The following RANBP17 variants were observed in gnomAD, a reference collection of about 807,000 sequenced individuals.
The protein encoded by RANBP17 is RAN binding protein 17.
Under a neutral mutation model 141.2 loss-of-function variants are expected in RANBP17, and 158 were observed. That is an observed-to-expected ratio of 1.12 (90% CI 0.98 to 1.28). The LOEUF is 1.28. RANBP17 is among the 50% of genes most tolerant of loss of function. The pLI is 0.00. For synonymous variants in RANBP17, 430 were observed against 450.0 expected, an observed-to-expected ratio of 0.96 and a Z score of 0.56; for missense variants, 1,438 against 1,290.7, an observed-to-expected ratio of 1.11 and a Z score of -1.75.
At chr5:171,203,445 T>C (rs1331060610) in intron 19 of RANBP17, among the ~76,000 whole-genome samples, 1 of 152,188 alleles carries the variant, frequency 6.6e-6, no homozygotes, top group Non-Finnish European at 1.5e-5. Flanking sequence ...ATAAAAGATA[T>C]TGTTTGAGCA....
rs139168000 is a variant in RANBP17 at position 171,156,935 on chromosome 5, A to G, written c.1711-13195A>G. ...ATCATCAAGGGATTTCAAAAGCAATAAAGTGTGGAATCATTGTTCGACTTG... is the reference window on the plus strand; with the variant it reads ...ATCATCAAGGGATTTCAAAAGCAATGAAGTGTGGAATCATTGTTCGACTTG... On this transcript the variant is annotated intron_variant, in intron 14 of 27. Transcript: ENST00000523189. Among the ~76,000 whole-genome samples, 65 of 152,286 alleles carry G rather than the reference A, an allele frequency of 4.3e-4. No individual in the cohort carries two copies. The East Asian group carries it at 9.1e-3, about 21-fold the overall frequency.
At chr5:171,202,938 G>A (rs151117707) in intron 19 of RANBP17, among the ~76,000 whole-genome samples, 1 of 152,266 alleles carries the variant, frequency 6.6e-6, no homozygotes, top group African/African-American at 2.4e-5. Flanking sequence ...TAGAAACCCT[G>A]TTTTGGGGGT....
chr5:171,273,551 C>A (rs981090207), intron 25 of RANBP17, among the ~76,000 whole-genome samples: 1 of 152,146 alleles, frequency 6.6e-6, no homozygotes, highest in Admixed American at 6.5e-5. Context: ...CCCAGTGTTG[C>A]CAGATACATT....
intron 14 of RANBP17, among the ~76,000 whole-genome samples, chr5:171,076,525 G>A (rs887325915): frequency 9.2e-5 from 14 of 152,152 alleles, no homozygotes; most frequent in African/African-American, 3.4e-4. Context: ...AATGAACAAG[G>A]GCTCCTGGGA....
In RANBP17 at chr5:171,075,812, G is replaced by T. The variant is rs189538842; in HGVS notation, c.1711-94318G>T. 2.2e-4 allele frequency among the ~76,000 whole-genome samples: 33 copies of T among 152,192 alleles called. No individual in the cohort carries two copies. In the East Asian group the frequency reaches 6.4e-3, roughly 29 times the overall value. On this transcript the variant is annotated intron_variant, in intron 14 of 27. Coordinates refer to ENST00000523189, the MANE Select transcript of RANBP17 (RefSeq NM_022897.5). Reference sequence around the variant, plus strand: ...TGCTAAAAATACAAAAATTAGCTGGGCATGGTGACACACACCTGTAATCCC... The same window carrying T: ...TGCTAAAAATACAAAAATTAGCTGGTCATGGTGACACACACCTGTAATCCC...
At chr5:171,284,900 T>C (rs1768064237) in intron 25 of RANBP17, among the ~76,000 whole-genome samples, 1 of 152,180 alleles carries the variant, frequency 6.6e-6, no homozygotes, top group African/African-American at 2.4e-5. Context: ...TCATGTCACC[T>C]TCTCCTGGAA....
At chr5:171,097,325 T>G (rs1032103385) in intron 14 of RANBP17, among the ~76,000 whole-genome samples, 6 of 152,112 alleles carry the variant, frequency 3.9e-5, no homozygotes, top group Non-Finnish European at 2.9e-5. Context: ...ACTGAGTGCT[T>G]CTTATGTATC....
chr5:171,015,673 T>A (rs1780376925), intron 14 of RANBP17, among the ~76,000 whole-genome samples: 1 of 152,156 alleles, frequency 6.6e-6, no homozygotes, highest in African/African-American at 2.4e-5. Context: ...CCTATAAATA[T>A]TTTTGAGATT....
chr5:170,865,483 C>A (rs115850488), intron 1 of RANBP17, among the ~76,000 whole-genome samples: 1 of 152,124 alleles, frequency 6.6e-6, no homozygotes, highest in African/African-American at 2.4e-5. Flanking sequence ...GTTTTCAAAT[C>A]GAACCATGAC....
chr5:171,179,845 A>G lies in RANBP17; in HGVS notation c.1866-3322A>G, dbSNP rs139866931. On this transcript the variant is annotated intron_variant, in intron 16 of 27. Transcript: ENST00000523189. Reference sequence around the variant, plus strand: ...AGGCCTGGTACTGTGAATTGAAGTCATACTTGGTGTTACTGTGTCAAGCAG... The same window carrying G: ...AGGCCTGGTACTGTGAATTGAAGTCGTACTTGGTGTTACTGTGTCAAGCAG... 2.3e-3 allele frequency among the ~76,000 whole-genome samples: 354 copies of G among 152,300 alleles called. 2 individuals are homozygous for G. The highest frequency in any genetic ancestry group is 8.3e-3 in the African/African-American group (343 of 41,560).
intron 14 of RANBP17, among the ~76,000 whole-genome samples, chr5:171,009,196 TTAG>T (rs1478415521): frequency 1.3e-5 from 2 of 152,192 alleles, no homozygotes; most frequent in Non-Finnish European, 2.9e-5. Context: ...TCTTTATCAC[TTAG>T]TAGGTTTGTG....
At chr5:171,178,021 T>G (rs998511316) in intron 16 of RANBP17, among the ~76,000 whole-genome samples, 2 of 114,934 alleles carry the variant, frequency 1.7e-5, no homozygotes, top group African/African-American at 4.1e-5. Flanking sequence ...TTTTATGTGG[T>G]TTTTTTTTTT....
intron 25 of RANBP17, among the ~76,000 whole-genome samples, chr5:171,285,193 A>G (rs1042810990): frequency 6.6e-6 from 1 of 152,210 alleles, no homozygotes; most frequent in South Asian, 2.1e-4. Flanking sequence ...TTAAGATTCA[A>G]CTTAAAATCA....
At chr5:171,211,148 C>A (rs1762856263) in intron 20 of RANBP17, among the ~76,000 whole-genome samples, 1 of 152,020 alleles carries the variant, frequency 6.6e-6, no homozygotes, top group Non-Finnish European at 1.5e-5. Flanking sequence ...TGATAACAGT[C>A]AAAATAAAGT....
At chr5:171,147,086 A>C (rs1758069707) in intron 14 of RANBP17, among the ~76,000 whole-genome samples, 1 of 152,108 alleles carries the variant, frequency 6.6e-6, no homozygotes, top group Non-Finnish European at 1.5e-5. Context: ...TTTGGTTGTC[A>C]CAATTTGGGA....
At chr5:170,894,293 G>A (rs1769910192) in intron 4 of RANBP17, among the ~76,000 whole-genome samples, 1 of 151,966 alleles carries the variant, frequency 6.6e-6, no homozygotes, top group Non-Finnish European at 1.5e-5. Flanking sequence ...TAAAAATAAA[G>A]TCAGGGTTGA....
intron 16 of RANBP17, among the ~76,000 whole-genome samples, 182 bp from the exon 17 acceptor site, chr5:171,182,985 G>T (rs907536262): frequency 2.0e-5 from 3 of 152,034 alleles, no homozygotes; most frequent in Non-Finnish European, 4.4e-5. Context: ...AAAAGTAATT[G>T]CATTGGTTAA....
chr5:171,070,773 A>C (rs995709513), intron 14 of RANBP17, among the ~76,000 whole-genome samples: 3 of 152,116 alleles, frequency 2.0e-5, no homozygotes, highest in Non-Finnish European at 4.4e-5. Flanking sequence ...GTTAATCTGC[A>C]TGTTCTCTGC....
intron 26 of RANBP17, 121 bp downstream of exon 26, chr5:171,294,102 C>A: frequency 2.7e-6 from 2 of 746,906 alleles, no homozygotes; most frequent in Non-Finnish European, 4.8e-6. Flanking sequence ...TGAACTGGGA[C>A]CTTGCGAACT....
Sources: gnomAD v4.1 joint callset for allele counts (sites outside exome capture counted in the v4.1 genomes callset) on GRCh38, gnomAD v4.1.1 for gene constraint, MANE v1.5 for transcripts, NCBI Gene and HGNC (gene_info 2026-07-23, HGNC 2026-07-21) for gene names.